Variants in UBE4B observed in about 807,000 individuals in gnomAD.
UBE4B encodes the protein ubiquitination factor E4B.
UBE4B carries 27 observed loss-of-function variants against 148.1 expected under a neutral mutation model. That is an observed-to-expected ratio of 0.18 (90% confidence interval 0.13 to 0.25). The LOEUF is 0.25. Ranked by LOEUF, UBE4B falls within the 10% of genes least tolerant of loss-of-function variation. The probability of loss-of-function intolerance (pLI) is 1.00; values close to 1 mark genes in which losing one functional copy is unlikely to be tolerated. For missense variants in UBE4B, 1,170 were observed against 1,662.4 expected (o/e 0.70, Z 5.15); for synonymous variants, 596 against 619.3 (o/e 0.96, Z 0.56).
At position 10,166,061 on chromosome 1, in the gene UBE4B, C is replaced by T. The variant is rs553356940; in HGVS notation, c.3199-2075C>T. ...AGTAGGCTCATTCTTGACCAGGGAACGGCAGGCCCCCCAGTATCCCTGCAG... is the reference window on the plus strand; with the variant it reads ...AGTAGGCTCATTCTTGACCAGGGAATGGCAGGCCCCCCAGTATCCCTGCAG... On this transcript the variant is annotated intron_variant, in intron 23 of 27. Transcript: ENST00000343090. 1.1e-4 allele frequency among the ~76,000 whole-genome samples: 17 copies of T among 152,242 alleles called. No individual in the cohort carries two copies. In the East Asian group the frequency reaches 1.7e-3, roughly 16 times the overall value.
At chr1:10,105,407 A>G in intron 5 of UBE4B, 109 bp from the exon 6 acceptor site, 1 of 855,098 alleles carries the variant, frequency 1.2e-6, no homozygotes, top group Non-Finnish European at 1.9e-6. Context: ...TCCAGAATCT[A>G]ATCCAGGATA....
intron 18 of UBE4B, among the ~76,000 whole-genome samples, chr1:10,146,391 GCAGTGAGC>G (rs1221281914): frequency 2.4e-4 from 36 of 152,312 alleles, no homozygotes; most frequent in Admixed American, 2.2e-3. Context: ...GGCAGAGGTT[GCAGTGAGC>G]CAAGATCGCG....
In UBE4B at chr1:10,137,126, C is replaced by T; in HGVS notation, c.2284C>T (p.Leu762=). The change falls in exon 17 of 28, where the codon CTG becomes TTG. Residue 762 remains leucine (L), a synonymous_variant. Transcript: ENST00000343090. ...CCCTACGGAGTGCTTCTTTCTCACCCTGCATGCTCACCACCTCTCTATTCT... is the reference window on the plus strand; with the variant it reads ...CCCTACGGAGTGCTTCTTTCTCACCTTGCATGCTCACCACCTCTCTATTCT... ...KFPTECFFLT[L]HAHHLSILPS... is the part of the protein sequence containing the mutation. The T allele has an allele frequency of 6.2e-7, 1 of 1,614,164 alleles. No individual in the cohort carries two copies. The highest frequency in any genetic ancestry group is 1.7e-5 in the Admixed American group (1 of 60,002).
intron 1 of UBE4B, among the ~76,000 whole-genome samples, chr1:10,045,392 A>G (rs1643891383): frequency 1.3e-5 from 2 of 152,214 alleles, no homozygotes; most frequent in Non-Finnish European, 2.9e-5. Context: ...GAGACACTCC[A>G]CATTCCTCAG....
rs1019356867 is a variant in UBE4B at position 10,039,822 on chromosome 1, T to C, written c.24+6128T>C. Among the ~76,000 whole-genome samples, 51 of 152,034 alleles carry C rather than the reference T, an allele frequency of 3.4e-4. 1 individual carries two copies. The highest frequency in any genetic ancestry group is 2.8e-4 in the Non-Finnish European group (19 of 68,000). ...GGTGGCAAGGGAGTAAAGGGTAGTTTGGGAGAAGGTGGCTGCAGACTGCAA... is the reference window on the plus strand; with the variant it reads ...GGTGGCAAGGGAGTAAAGGGTAGTTCGGGAGAAGGTGGCTGCAGACTGCAA... On this transcript the variant is annotated intron_variant, in intron 1 of 27. Transcript: ENST00000343090.
At chr1:10,097,500 C>CA (rs1306939807) in intron 3 of UBE4B, among the ~76,000 whole-genome samples, 8 of 152,140 alleles carry the variant, frequency 5.3e-5, no homozygotes, top group Non-Finnish European at 1.0e-4. Context: ...AGGCCAGGAG[C>CA]ATTTGAAAGA....
chr1:10,043,090 A>T (rs544766501), intron 1 of UBE4B, among the ~76,000 whole-genome samples: 18 of 151,312 alleles, frequency 1.2e-4, no homozygotes, highest in Non-Finnish European at 2.4e-4. Context: ...GCTCACTGCA[A>T]CCTCCGCCTC....
intron 10 of UBE4B, among the ~76,000 whole-genome samples, chr1:10,126,304 T>C (rs1461367926): frequency 1.6e-5 from 1 of 64,050 alleles, no homozygotes; most frequent in Non-Finnish European, 3.0e-5. Flanking sequence ...CGTCTCAATA[T>C]AGATAGATAG....
At chr1:10,051,118 C>T (rs956051239) in intron 1 of UBE4B, among the ~76,000 whole-genome samples, 10 of 152,018 alleles carry the variant, frequency 6.6e-5, no homozygotes, top group African/African-American at 2.2e-4. Context: ...ATGATTTTCC[C>T]GCCTCAGCCT....
chr1:10,159,750 A>G (rs1646131297), intron 22 of UBE4B, among the ~76,000 whole-genome samples: 1 of 152,242 alleles, frequency 6.6e-6, no homozygotes, highest in Non-Finnish European at 1.5e-5. Flanking sequence ...CCCATGTTAG[A>G]TCTTTGATCA....
At chr1:10,045,146 G>A (rs920677606) in intron 1 of UBE4B, among the ~76,000 whole-genome samples, 1 of 152,164 alleles carries the variant, frequency 6.6e-6, no homozygotes, top group Non-Finnish European at 1.5e-5. Flanking sequence ...TGCAGGAGGC[G>A]GAGCTCAGGT....
At chr1:10,094,723 C>G (rs557748595) in intron 2 of UBE4B, among the ~76,000 whole-genome samples, 27 of 152,116 alleles carry the variant, frequency 1.8e-4, no homozygotes, top group African/African-American at 6.0e-4. Context: ...TGTGAGCCAC[C>G]ACACCCAGCC....
At chr1:10,096,644 C>T (rs766413400) in intron 3 of UBE4B, among the ~76,000 whole-genome samples, 1 of 152,118 alleles carries the variant, frequency 6.6e-6, no homozygotes, top group Non-Finnish European at 1.5e-5. Context: ...ATCACTTGAA[C>T]CCAGGAGGTG....
chr1:10,143,616 A>G (rs1053980961), intron 17 of UBE4B, among the ~76,000 whole-genome samples: 4 of 152,192 alleles, frequency 2.6e-5, no homozygotes, highest in Non-Finnish European at 4.4e-5. Flanking sequence ...GGGAGATCAC[A>G]TGTTCACAGG....
intron 7 of UBE4B, among the ~76,000 whole-genome samples, chr1:10,114,064 CAAAAAAAAAAAAAAGA>C (rs1367904764): frequency 4.9e-4 from 22 of 44,508 alleles, no homozygotes; most frequent in East Asian, 2.3e-3. Context: ...GACTCCGTCT[CAAAAAAAAAAAAAAGA>C]AAAAAAAAAA....
At position 10,137,155 on chromosome 1, in the gene UBE4B, T is replaced by C; in HGVS notation, c.2313T>C (p.Pro771=). The change falls in exon 17 of 28, where the codon CCT becomes CCC. Residue 771 remains proline, a synonymous_variant. Transcript: ENST00000343090. ...ATGCTCACCACCTCTCTATTCTGCC[T>C]AGTTGCCGTCGCTATATCCGCAGAC... ...TLHAHHLSIL[P]SCRRYIRRLR... The C allele has an allele frequency of 2.5e-6, 4 of 1,614,154 alleles. No homozygotes were observed. The highest frequency in any genetic ancestry group is 3.4e-6 in the Non-Finnish European group (4 of 1,180,024).
At chr1:10,041,771 A>G (rs1410141304) in intron 1 of UBE4B, among the ~76,000 whole-genome samples, 1 of 151,970 alleles carries the variant, frequency 6.6e-6, no homozygotes, top group African/African-American at 2.4e-5. Flanking sequence ...ATCTCTGCTC[A>G]CTGCAACCTC....
intron 10 of UBE4B, 23 bp downstream of exon 10, chr1:10,122,099 T>G: frequency 6.4e-7 from 1 of 1,554,254 alleles, no homozygotes; most frequent in Non-Finnish European, 8.8e-7. Flanking sequence ...GAGTTTGCTC[T>G]TGCAAATTTT....
chr1:10,039,079 A>C (rs1339398215), intron 1 of UBE4B, among the ~76,000 whole-genome samples: 1 of 150,660 alleles, frequency 6.6e-6, no homozygotes, highest in Non-Finnish European at 1.5e-5. Flanking sequence ...CAAACAAAAA[A>C]ACACACACAC....
Sources: allele counts gnomAD v4.1 joint callset (sites outside exome capture counted in the v4.1 genomes callset), GRCh38; gene constraint gnomAD v4.1.1; transcripts MANE v1.5; gene names NCBI Gene and HGNC (gene_info 2026-07-23, HGNC 2026-07-21).